Variants in VRK2 observed in about 807,000 individuals in gnomAD.
VRK2 encodes the protein VRK serine/threonine kinase 2.
In VRK2, 60 loss-of-function variants were observed where a neutral mutation model predicts 57.6. The ratio of observed to expected loss-of-function variants is 1.04; its 90% CI spans 0.85 to 1.29. VRK2 has a LOEUF of 1.29. Ranked by LOEUF, VRK2 falls within the 50% of genes most tolerant of loss-of-function variation. The probability of loss-of-function intolerance (pLI) is 0.00; values close to 1 mark genes in which losing one functional copy is unlikely to be tolerated. For synonymous variants in VRK2, 231 were observed against 199.2 expected (o/e 1.16, Z -1.35); for missense variants, 705 against 588.1 (o/e 1.20, Z -2.06).
At chr2:58,033,527 G>C (rs1674180644) in exon 3 of VRK2, 1 of 151,948 alleles carries the variant, frequency 6.6e-6, no homozygotes, top group African/African-American at 2.4e-5. Context: ...CTGACAGCTT[G>C]ATTTTAGGAT....
chr2:57,995,817 T>G (rs183499648), intron 1 of VRK2, among the ~76,000 whole-genome samples: 49 of 152,344 alleles, frequency 3.2e-4, no homozygotes, highest in Admixed American at 2.8e-3. Flanking sequence ...TCCACTTTGG[T>G]ACTACTGCCT....
chr2:58,030,737 A>G (rs1220262523), intron 2 of VRK2, among the ~76,000 whole-genome samples: 1 of 152,098 alleles, frequency 6.6e-6, no homozygotes, highest in African/African-American at 2.4e-5. Flanking sequence ...TTGTGATTAC[A>G]AGCAAGTAAT....
intron 1 of VRK2, chr2:58,047,440 G>C (rs1322947866): frequency 4.1e-6 from 4 of 985,382 alleles, no homozygotes; most frequent in South Asian, 4.7e-5. Context: ...CGTTTCCCTT[G>C]GCAGATGAAC....
chr2:58,088,370 G>T lies in VRK2; in HGVS notation c.374G>T (p.Gly125Val). The T allele has an allele frequency of 3.7e-6, 6 of 1,612,872 alleles. No homozygotes were observed. Among genetic ancestry groups the T allele is most frequent in the Non-Finnish European group, 5.1e-6 (6 of 1,179,418 alleles). Reference protein sequence around the residue: ...SYRFMVMERLGIDLQKISGQN... With the variant: ...SYRFMVMERLVIDLQKISGQN... ...AGATTTATGGTAATGGAAAGACTAG[G>T]AATAGATTTACAGAAGATCTCAGGC... The change falls in exon 6 of 13, where the codon GGA becomes GTA. Residue 125 changes from glycine (G) to valine (V), a missense_variant. Transcript: ENST00000340157.
chr2:58,072,829 G>T lies in VRK2; in HGVS notation c.137-11260G>T, dbSNP rs539344278. Among the ~76,000 whole-genome samples the T allele has an allele frequency of 1.3e-4, 20 of 151,916 alleles. No homozygotes were observed. The South Asian group carries it at 4.2e-3, about 32-fold the overall frequency. On this transcript the variant is annotated intron_variant, in intron 2 of 12. Coordinates refer to ENST00000340157, the MANE Select transcript of VRK2 (RefSeq NM_006296.7). ...TTCTAGGAGAGATTGTAGAGAATTG[G>T]TATTATTTCTTCTTTAAATGTTTGT...
chr2:58,054,780 A>C (rs1375390038), intron 2 of VRK2, among the ~76,000 whole-genome samples: 1 of 152,188 alleles, frequency 6.6e-6, no homozygotes, highest in Non-Finnish European at 1.5e-5. Context: ...TTTTGCAATT[A>C]GTATTTCTTT....
chr2:58,140,849 C>T (rs1366948702), intron 11 of VRK2, among the ~76,000 whole-genome samples: 2 of 152,050 alleles, frequency 1.3e-5, no homozygotes, highest in Non-Finnish European at 2.9e-5. Context: ...GTGGTATTGA[C>T]ATCTGTAGGC....
upstream of VRK2, among the ~76,000 whole-genome samples, chr2:58,043,780 T>G (rs1015282230): frequency 6.6e-6 from 1 of 152,232 alleles, no homozygotes; most frequent in Non-Finnish European, 1.5e-5. Flanking sequence ...GTTAATTATA[T>G]GTTTGACACT....
chr2:57,978,326 T>C (rs555875043), intron 1 of VRK2, among the ~76,000 whole-genome samples: 8 of 151,286 alleles, frequency 5.3e-5, no homozygotes, highest in African/African-American at 1.7e-4. Flanking sequence ...ATTATTACAG[T>C]AATTCCTACA....
At position 58,084,085 on chromosome 2, in the gene VRK2, G is replaced by T; in HGVS notation, c.137-4G>T. Reference sequence around the variant, plus strand: ...TCTCCATTGTGTGTTTTTTTTGTCTGCAGCTTTCCCCACAAATAAACCAGA... The same window carrying T: ...TCTCCATTGTGTGTTTTTTTTGTCTTCAGCTTTCCCCACAAATAAACCAGA... On this transcript the variant is annotated splice_polypyrimidine_tract_variant and splice_region_variant and intron_variant, in intron 2 of 12. Coordinates refer to ENST00000340157, the MANE Select transcript of VRK2 (RefSeq NM_006296.7). 1.2e-6 allele frequency: 2 copies of T among 1,603,258 alleles called. No individual in the cohort carries two copies. The highest frequency in any genetic ancestry group is 1.7e-6 in the Non-Finnish European group (2 of 1,173,968).
At chr2:58,021,472 T>C (rs1300444602) in intron 1 of VRK2, among the ~76,000 whole-genome samples, 2 of 152,222 alleles carry the variant, frequency 1.3e-5, no homozygotes, top group African/African-American at 4.8e-5. Context: ...TTTATACGTA[T>C]GCTTGGACTA....
At chr2:58,047,017 G>A (rs1035566381) in intron 1 of VRK2, 149 bp downstream of exon 1, 4 of 970,832 alleles carry the variant, frequency 4.1e-6, no homozygotes, top group African/African-American at 1.8e-5. Flanking sequence ...GCTCCGGCCC[G>A]GGCAGAGTCG....
intron 1 of VRK2, among the ~76,000 whole-genome samples, chr2:58,019,841 C>T (rs1468369333): frequency 1.3e-5 from 2 of 152,086 alleles, no homozygotes; most frequent in Non-Finnish European, 2.9e-5. Context: ...ACTGGATGAA[C>T]TAGAAAACTA....
intron 10 of VRK2, among the ~76,000 whole-genome samples, chr2:58,135,417 G>T (rs1679872667): frequency 6.7e-6 from 1 of 148,316 alleles, no homozygotes; most frequent in Non-Finnish European, 1.5e-5. Context: ...TATTGAGGTG[G>T]AAAATTCTAG....
At chr2:58,087,406 G>A (rs1254183932) in intron 5 of VRK2, among the ~76,000 whole-genome samples, 1 of 152,154 alleles carries the variant, frequency 6.6e-6, no homozygotes, top group African/African-American at 2.4e-5. Flanking sequence ...GTCCATTAGA[G>A]CTATACTAGT....
intron 1 of VRK2, among the ~76,000 whole-genome samples, chr2:57,981,094 T>G (rs1299362446): frequency 6.6e-6 from 1 of 152,172 alleles, no homozygotes; most frequent in Non-Finnish European, 1.5e-5. Flanking sequence ...TAGCTAGTTT[T>G]TATGTAGATT....
At chr2:58,107,298 C>CT (rs1311808001) in intron 7 of VRK2, among the ~76,000 whole-genome samples, 4 of 152,008 alleles carry the variant, frequency 2.6e-5, no homozygotes, top group Middle Eastern at 3.4e-3. Context: ...GATTGAAGAC[C>CT]TTTTATTTTT....
At chr2:57,925,060 C>T (rs1346431967) in intron 1 of VRK2, among the ~76,000 whole-genome samples, 1 of 151,948 alleles carries the variant, frequency 6.6e-6, no homozygotes, top group Admixed American at 6.6e-5. Flanking sequence ...GGGATCAATT[C>T]CACTTGGTGA....
chr2:58,094,022 A>G (rs1161064549), intron 7 of VRK2, among the ~76,000 whole-genome samples: 1 of 152,130 alleles, frequency 6.6e-6, no homozygotes, highest in South Asian at 2.1e-4. Context: ...CCATTGGTCT[A>G]TATCTCTGTT....
Sources: allele counts gnomAD v4.1 joint callset (sites outside exome capture counted in the v4.1 genomes callset), GRCh38; gene constraint gnomAD v4.1.1; transcripts MANE v1.5; gene names NCBI Gene and HGNC (gene_info 2026-07-23, HGNC 2026-07-21).